RERE: variants seen among roughly 807,000 people sequenced by gnomAD.
RERE encodes arginine-glutamic acid dipeptide repeats protein.
Under a neutral mutation model 146.1 loss-of-function variants are expected in RERE, and 40 were observed. The ratio of observed to expected loss-of-function variants is 0.27; its 90% CI spans 0.21 to 0.36. The LOEUF (loss-of-function observed/expected upper bound fraction) is 0.36. RERE is among the 10% of genes least tolerant of loss of function. The pLI is 1.00. For synonymous variants in RERE, 1,003 were observed against 866.0 expected (o/e 1.16, Z -2.78); for missense variants, 1,933 against 2,138.7 (o/e 0.90, Z 1.90).
At chr1:8,567,071 G>A (rs1487480185) in intron 4 of RERE, among the ~76,000 whole-genome samples, 1 of 152,166 alleles carries the variant, frequency 6.6e-6, no homozygotes, top group Non-Finnish European at 1.5e-5. Context: ...TTTCTGGTGT[G>A]AGGCACCGCA....
chr1:8,771,261 C>A (rs778334158), intron 1 of RERE, among the ~76,000 whole-genome samples: 3 of 152,098 alleles, frequency 2.0e-5, no homozygotes, highest in African/African-American at 2.4e-5. Context: ...TGGTGGCTCA[C>A]ACCTAATCTC....
In RERE at chr1:8,361,788, G is replaced by A. The variant is rs764299822; in HGVS notation, c.1991C>T (p.Thr664Ile). 3 of 1,613,792 alleles carry A rather than the reference G, an allele frequency of 1.9e-6. No individual in the cohort carries two copies. The African/African-American group carries it at 4.0e-5, about 22-fold the overall frequency. The change falls in exon 17 of 23, where the codon ACC becomes ATC. Residue 664 changes from threonine to isoleucine, a missense_variant. Thr to Ile is a moderately conservative substitution (Grantham distance 89). Transcript: ENST00000400908. ...CTGCGTTTTTGTCTTCTTGGAGCTG[G>A]TCCTGTCAGCCTCCTCCGTATCAGA... Reference protein sequence around the residue: ...VASDTEEADRTSSKKTKTQEI... With the variant: ...VASDTEEADRISSKKTKTQEI...
intron 1 of RERE, among the ~76,000 whole-genome samples, chr1:8,785,676 T>G (rs952952209): frequency 3.3e-5 from 5 of 152,292 alleles, no homozygotes; most frequent in African/African-American, 1.2e-4. Context: ...GGCTGGAGTG[T>G]GATGGCGCAG....
intron 6 of RERE, among the ~76,000 whole-genome samples, chr1:8,543,796 G>A (rs1004011946): frequency 2.0e-5 from 3 of 151,944 alleles, no homozygotes; most frequent in Non-Finnish European, 2.9e-5. Flanking sequence ...CTGGCTTACA[G>A]AAAGCCAAAA....
Position 8,360,699 on chromosome 1 carries a change from G to T in RERE, c.2808C>A (p.Ile936=), listed in dbSNP as rs374089396. 1.0e-4 allele frequency: 161 copies of T among 1,570,424 alleles called. No homozygotes were observed. Among genetic ancestry groups the T allele is most frequent in the Admixed American group, 1.6e-4 (9 of 54,552 alleles). The change falls in exon 18 of 23, where the codon ATC becomes ATA. Residue 936 remains isoleucine, a synonymous_variant. Coordinates refer to ENST00000400908, the MANE Select transcript of RERE (RefSeq NM_001042681.2). ...PHIKPPPTTP[I]PQLPAPQAHK... Reference sequence around the variant, plus strand: ...GGGCCTGTGGCGCCGGCAGCTGGGGGATGGGAGTGGTAGGCGGGGGCTTGA... The same window carrying T: ...GGGCCTGTGGCGCCGGCAGCTGGGGTATGGGAGTGGTAGGCGGGGGCTTGA...
chr1:8,677,609 T>A (rs1163154505), intron 1 of RERE, among the ~76,000 whole-genome samples: 1 of 152,190 alleles, frequency 6.6e-6, no homozygotes, highest in Non-Finnish European at 1.5e-5. Flanking sequence ...ATGTTTCATG[T>A]ACCATCTCCC....
At chr1:8,617,153 G>A (rs1327627447) in intron 3 of RERE, among the ~76,000 whole-genome samples, 2 of 151,906 alleles carry the variant, frequency 1.3e-5, no homozygotes, top group African/African-American at 4.8e-5. Flanking sequence ...GACCAGCCTG[G>A]CCAATGTAGT....
intron 1 of RERE, among the ~76,000 whole-genome samples, chr1:8,726,876 G>A (rs1367687779): frequency 6.6e-6 from 1 of 152,032 alleles, no homozygotes; most frequent in African/African-American, 2.4e-5. Context: ...CACGACCTCA[G>A]CTCACTGCAA....
chr1:8,535,144 C>T (rs1645708669), intron 7 of RERE, among the ~76,000 whole-genome samples: 2 of 151,808 alleles, frequency 1.3e-5, no homozygotes, highest in African/African-American at 4.8e-5. Flanking sequence ...TACTCCATTG[C>T]TATTTAAAAA....
chr1:8,747,376 G>C (rs1357774855), intron 1 of RERE, among the ~76,000 whole-genome samples: 2 of 152,278 alleles, frequency 1.3e-5, no homozygotes, highest in East Asian at 3.9e-4. Flanking sequence ...GCATGGAAGT[G>C]GGAGGTGGGC....
At chr1:8,784,695 G>A (rs1045177527) in intron 1 of RERE, among the ~76,000 whole-genome samples, 1 of 151,982 alleles carries the variant, frequency 6.6e-6, no homozygotes, top group South Asian at 2.1e-4. Flanking sequence ...TAAGGAAAAG[G>A]GAATTCTATC....
At chr1:8,631,299 C>A (rs1422174544) in intron 2 of RERE, among the ~76,000 whole-genome samples, 1 of 152,154 alleles carries the variant, frequency 6.6e-6, no homozygotes, top group Non-Finnish European at 1.5e-5. Context: ...CTTTGGGAGG[C>A]CGAGGCAGAG....
chr1:8,526,250 A>G (rs1464532618), intron 7 of RERE, among the ~76,000 whole-genome samples: 1 of 151,632 alleles, frequency 6.6e-6, no homozygotes, highest in African/African-American at 2.4e-5. Context: ...GAGGAGCGTC[A>G]GTTAAATGCT....
intron 1 of RERE, among the ~76,000 whole-genome samples, chr1:8,737,164 T>TC (rs1640217978): frequency 1.3e-5 from 2 of 152,324 alleles, no homozygotes; most frequent in South Asian, 2.1e-4. Context: ...CCTTTTTTTT[T>TC]CTGACAATTT....
chr1:8,672,184 G>T (rs1230313606), intron 1 of RERE, among the ~76,000 whole-genome samples: 1 of 151,906 alleles, frequency 6.6e-6, no homozygotes, highest in Non-Finnish European at 1.5e-5. Flanking sequence ...TTTTTTGTTT[G>T]TTTTTTTGAG....
At chr1:8,606,249 T>C (rs1646707317) in intron 4 of RERE, among the ~76,000 whole-genome samples, 1 of 152,194 alleles carries the variant, frequency 6.6e-6, no homozygotes, top group South Asian at 2.1e-4. Context: ...TTTAATATAA[T>C]TTCTATTTTC....
At chr1:8,577,677 T>C (rs1477478966) in intron 4 of RERE, among the ~76,000 whole-genome samples, 1 of 152,196 alleles carries the variant, frequency 6.6e-6, no homozygotes, top group Non-Finnish European at 1.5e-5. Flanking sequence ...ATCTAGAGTA[T>C]CTCACTGAAT....
At chr1:8,743,253 CCAGGTA>C (rs1303786674) in intron 1 of RERE, among the ~76,000 whole-genome samples, 2 of 151,794 alleles carry the variant, frequency 1.3e-5, no homozygotes, top group Non-Finnish European at 2.9e-5. Context: ...TAAAAATTAG[CCAGGTA>C]CAGGGGCGCG....
At chr1:8,365,291 A>G (rs1641759812) in intron 13 of RERE, among the ~76,000 whole-genome samples, 1 of 152,216 alleles carries the variant, frequency 6.6e-6, no homozygotes, top group Non-Finnish European at 1.5e-5. Flanking sequence ...GGACAGAGCT[A>G]TAAGGCACTT....
Sources: allele counts gnomAD v4.1 joint callset (sites outside exome capture counted in the v4.1 genomes callset), GRCh38; gene constraint gnomAD v4.1.1; transcripts MANE v1.5; gene names NCBI Gene and HGNC (gene_info 2026-07-23, HGNC 2026-07-21).